GNAQ: variants seen among roughly 807,000 people sequenced by gnomAD.
GNAQ encodes guanine nucleotide-binding protein G(q) subunit alpha.
GNAQ carries 8 observed loss-of-function variants against 43.9 expected under a neutral mutation model. That is an observed-to-expected ratio of 0.18 (90% CI 0.11 to 0.33). The LOEUF (loss-of-function observed/expected upper bound fraction) is 0.33. Among genes scored for constraint, GNAQ ranks in the 10% least tolerant of loss-of-function variants. GNAQ has a pLI of 1.00. For missense variants in GNAQ, 158 were observed against 450.8 expected, an observed-to-expected ratio of 0.35 and a Z score of 5.88; for synonymous variants, 155 against 170.7, an observed-to-expected ratio of 0.91 and a Z score of 0.71.
At chr9:77,770,159 G>A (rs1826200589) in intron 5 of GNAQ, among the ~76,000 whole-genome samples, 1 of 152,032 alleles carries the variant, frequency 6.6e-6, no homozygotes, top group Non-Finnish European at 1.5e-5. Context: ...TGAATTTCAG[G>A]GTTTCGAGGG....
At chr9:77,926,431 AC>A (rs1829073559) in intron 1 of GNAQ, among the ~76,000 whole-genome samples, 1 of 152,228 alleles carries the variant, frequency 6.6e-6, no homozygotes, top group Non-Finnish European at 1.5e-5. Context: ...AGACTTTTCT[AC>A]TAGTAGATTA....
intron 3 of GNAQ, among the ~76,000 whole-genome samples, chr9:77,800,779 G>C (rs973605297): frequency 6.6e-6 from 1 of 151,996 alleles, no homozygotes; most frequent in Admixed American, 6.6e-5. Context: ...ACAAAAATCA[G>C]ATAGCTACTC....
intron 2 of GNAQ, among the ~76,000 whole-genome samples, chr9:77,822,888 T>C (rs1827139147): frequency 6.6e-6 from 1 of 151,878 alleles, no homozygotes; most frequent in Non-Finnish European, 1.5e-5. Context: ...ACAAAAACAA[T>C]ACCTCTTTAT....
At chr9:77,968,439 T>C (rs1388131327) in intron 1 of GNAQ, among the ~76,000 whole-genome samples, 5 of 152,360 alleles carry the variant, frequency 3.3e-5, no homozygotes, top group South Asian at 2.1e-4. Flanking sequence ...CAAATGATAA[T>C]AGATGTATCA....
chr9:78,013,829 T>C (rs1401198872), intron 1 of GNAQ, among the ~76,000 whole-genome samples: 5 of 152,182 alleles, frequency 3.3e-5, no homozygotes, highest in Admixed American at 3.3e-4. Context: ...AACATAGCCA[T>C]ACTCATTTAT....
At position 77,911,496 on chromosome 9, in the gene GNAQ, T is replaced by C. The variant is rs773172212; in HGVS notation, c.321+10665A>G. Among the ~76,000 whole-genome samples, 4 of 152,186 alleles carry C rather than the reference T, an allele frequency of 2.6e-5. No individual in the cohort carries two copies. The South Asian group carries it at 6.2e-4, about 24-fold the overall frequency. Reference sequence around the variant, plus strand: ...TTTACATACCAGGATTAAAATACTATAGTTAATAAAAGGGCAAAATCAGCT... The same window carrying C: ...TTTACATACCAGGATTAAAATACTACAGTTAATAAAAGGGCAAAATCAGCT... On this transcript the variant is annotated intron_variant, in intron 2 of 6. Coordinates refer to ENST00000286548, the MANE Select transcript of GNAQ (RefSeq NM_002072.5).
At chr9:77,978,086 A>G (rs1355652070) in intron 1 of GNAQ, among the ~76,000 whole-genome samples, 1 of 152,192 alleles carries the variant, frequency 6.6e-6, no homozygotes, top group Non-Finnish European at 1.5e-5. Flanking sequence ...TCCTAAACAG[A>G]AGCATGGTAA....
intron 2 of GNAQ, among the ~76,000 whole-genome samples, chr9:77,868,816 A>G (rs1827990357): frequency 6.6e-6 from 1 of 152,032 alleles, no homozygotes; most frequent in African/African-American, 2.4e-5. Context: ...CAAAAAACCA[A>G]AAAAGAAAAA....
At chr9:77,925,698 GA>G (rs1285333763) in intron 1 of GNAQ, among the ~76,000 whole-genome samples, 5 of 152,146 alleles carry the variant, frequency 3.3e-5, no homozygotes, top group African/African-American at 1.2e-4. Context: ...AAATCTGTAT[GA>G]TGCAAATATT....
intron 4 of GNAQ, among the ~76,000 whole-genome samples, chr9:77,794,934 C>G (rs768490877): frequency 6.6e-6 from 1 of 152,016 alleles, no homozygotes; most frequent in Non-Finnish European, 1.5e-5. Context: ...TGTGTTAAGC[C>G]CTACTGGCAA....
At chr9:77,792,694 T>TAA (rs1468795119) in intron 5 of GNAQ, among the ~76,000 whole-genome samples, 1 of 152,170 alleles carries the variant, frequency 6.6e-6, no homozygotes, top group African/African-American at 2.4e-5. Context: ...CATATATATA[T>TAA]AATGCATTTA....
intron 1 of GNAQ, among the ~76,000 whole-genome samples, chr9:77,968,643 C>T (rs1420407017): frequency 6.6e-6 from 1 of 152,250 alleles, no homozygotes; most frequent in Admixed American, 6.5e-5. Context: ...ATCCACAACA[C>T]TGCTCTGTTC....
At chr9:77,957,132 G>A (rs1823050518) in intron 1 of GNAQ, among the ~76,000 whole-genome samples, 1 of 152,148 alleles carries the variant, frequency 6.6e-6, no homozygotes, top group Non-Finnish European at 1.5e-5. Flanking sequence ...GCCGAGGCAG[G>A]CGGTCACGAG....
intron 5 of GNAQ, among the ~76,000 whole-genome samples, chr9:77,731,395 G>A (rs776283669): frequency 6.6e-6 from 1 of 152,204 alleles, no homozygotes; most frequent in Non-Finnish European, 1.5e-5. Flanking sequence ...CTGCACTGGG[G>A]CTGCTCTGGA....
Position 77,742,287 on chromosome 9 carries a change from T to C in GNAQ, c.736-13620A>G, listed in dbSNP as rs1825664810. 2.0e-5 allele frequency among the ~76,000 whole-genome samples: 3 copies of C among 152,294 alleles called. No homozygotes were observed. The South Asian group carries it at 6.2e-4, about 32-fold the overall frequency. ...CTGTACCTCCTTTTTAAACGCAGCA[T>C]TCCATATAATGCACATGTGACTAAC... On this transcript the variant is annotated intron_variant, in intron 5 of 6. Coordinates refer to ENST00000286548, the MANE Select transcript of GNAQ (RefSeq NM_002072.5).
At position 77,891,678 on chromosome 9, in the gene GNAQ, A is replaced by G. The variant is rs189644267; in HGVS notation, c.321+30483T>C. On this transcript the variant is annotated intron_variant, in intron 2 of 6. Transcript: ENST00000286548. The stretch of plus-strand genomic sequence containing the variant: ...GCTGTCTTTCCATTTTGCTTGCCCT[A>G]TTAGATATGTGAGGTCAGAGCTTTG... Among the ~76,000 whole-genome samples the G allele has an allele frequency of 5.9e-5, 9 of 152,294 alleles. No homozygotes were observed. The East Asian group carries it at 1.7e-3, about 29-fold the overall frequency.
chr9:77,888,488 G>C (rs1220919197), intron 2 of GNAQ, among the ~76,000 whole-genome samples: 1 of 152,180 alleles, frequency 6.6e-6, no homozygotes, highest in Non-Finnish European at 1.5e-5. Context: ...AATGCAGCAA[G>C]GAGAAAAGTG....
chr9:77,955,750 T>C (rs1406040865), intron 1 of GNAQ, among the ~76,000 whole-genome samples: 1 of 152,248 alleles, frequency 6.6e-6, no homozygotes, highest in Admixed American at 6.5e-5. Context: ...CCTTTAGCTT[T>C]ACAGGAACAT....
intron 1 of GNAQ, among the ~76,000 whole-genome samples, chr9:78,030,836 C>G (rs1219356912): frequency 6.6e-6 from 1 of 152,050 alleles, no homozygotes; most frequent in African/African-American, 2.4e-5. Context: ...AAGGAACAAG[C>G]CAAGGCACCG....
Sources: allele counts gnomAD v4.1 joint callset (sites outside exome capture counted in the v4.1 genomes callset), GRCh38; gene constraint gnomAD v4.1.1; transcripts MANE v1.5; gene names NCBI Gene and HGNC (gene_info 2026-07-23, HGNC 2026-07-21).